Variants in COBL observed in about 807,000 individuals in gnomAD.
COBL encodes cordon-bleu WH2 repeat protein.
A neutral mutation model predicts 98.8 loss-of-function variants in COBL; 51 were observed. That is an observed-to-expected ratio of 0.52 (90% CI 0.41 to 0.65). The LOEUF (loss-of-function observed/expected upper bound fraction) is 0.65, where lower values mean the gene tolerates loss of function less well. COBL is among the 30% of genes least tolerant of loss of function. The pLI, the probability that COBL is intolerant of heterozygous loss-of-function variation, is 0.00. For missense variants in COBL, 1,617 were observed against 1,617.5 expected (o/e 1.00, Z 0.01); for synonymous variants, 634 against 651.7 (o/e 0.97, Z 0.41).
At chr7:51,117,826 A>G (rs531863081) in intron 6 of COBL, among the ~76,000 whole-genome samples, 2 of 152,224 alleles carry the variant, frequency 1.3e-5, no homozygotes, top group Non-Finnish European at 2.9e-5. Flanking sequence ...AGATTCCCTC[A>G]TATTCCTCAG....
intron 7 of COBL, among the ~76,000 whole-genome samples, chr7:51,053,812 G>A (rs867396355): frequency 6.6e-6 from 1 of 152,234 alleles, no homozygotes; most frequent in Admixed American, 6.5e-5. Flanking sequence ...AAAAGTGGAG[G>A]TTGGTGGTAA....
intron 7 of COBL, among the ~76,000 whole-genome samples, chr7:51,047,050 G>T (rs1789778561): frequency 6.6e-6 from 1 of 152,152 alleles, no homozygotes; most frequent in Non-Finnish European, 1.5e-5. Flanking sequence ...CATTGGCTTT[G>T]TCCTTTCTGC....
At chr7:51,181,450 G>A (rs371952911) in intron 5 of COBL, among the ~76,000 whole-genome samples, 2 of 152,136 alleles carry the variant, frequency 1.3e-5, no homozygotes, top group East Asian at 1.9e-4. Context: ...CTCATCTGCC[G>A]CAGTTCAGGA....
chr7:51,300,158 T>C (rs889937340), intron 1 of COBL, among the ~76,000 whole-genome samples: 7 of 147,460 alleles, frequency 4.7e-5, no homozygotes, highest in Non-Finnish European at 1.0e-4. Context: ...TTTTGTTTTG[T>C]TTTGTTTTGT....
intron 7 of COBL, among the ~76,000 whole-genome samples, chr7:51,068,909 A>T (rs576214137): frequency 6.6e-6 from 1 of 152,248 alleles, no homozygotes; most frequent in Non-Finnish European, 1.5e-5. Context: ...AACTTAAGTA[A>T]CTCACTCTTC....
intron 1 of COBL, among the ~76,000 whole-genome samples, chr7:51,303,964 T>C (rs1246272030): frequency 6.6e-6 from 1 of 152,188 alleles, no homozygotes; most frequent in Admixed American, 6.5e-5. Flanking sequence ...TATTTTTATA[T>C]TATTTTTAAT....
chr7:51,095,756 AG>A (rs1292473543), intron 6 of COBL, among the ~76,000 whole-genome samples: 1 of 152,182 alleles, frequency 6.6e-6, no homozygotes, highest in Admixed American at 6.5e-5. Flanking sequence ...ACATCAAATA[AG>A]ATAGACTTCA....
intron 7 of COBL, among the ~76,000 whole-genome samples, chr7:51,084,810 T>C (rs1253007488): frequency 6.6e-6 from 1 of 152,162 alleles, no homozygotes; most frequent in Non-Finnish European, 1.5e-5. Context: ...CAAATGTCCT[T>C]CAAAGCAGTT....
At chr7:51,158,345 G>A (rs1286439430) in intron 5 of COBL, among the ~76,000 whole-genome samples, 1 of 152,186 alleles carries the variant, frequency 6.6e-6, no homozygotes, top group Non-Finnish European at 1.5e-5. Context: ...GGAGAAGAAT[G>A]GACCCAAACC....
At chr7:51,307,476 A>G (rs1337168397) in intron 1 of COBL, among the ~76,000 whole-genome samples, 1 of 152,156 alleles carries the variant, frequency 6.6e-6, no homozygotes, top group African/African-American at 2.4e-5. Flanking sequence ...GCCATCTCCT[A>G]TCTCTGTCAG....
In COBL at chr7:51,028,466, C is replaced by T. The variant is rs1467565414; in HGVS notation, c.2630G>A (p.Gly877Glu). 1 of 1,614,148 alleles carries T rather than the reference C, an allele frequency of 6.2e-7. No homozygotes were observed. Among genetic ancestry groups the T allele is most frequent in the East Asian group, 2.2e-5 (1 of 44,896 alleles). The change falls in exon 10 of 13, where the codon GGA becomes GAA. Residue 877 changes from glycine (G) to glutamate (E), a missense_variant. Transcript: ENST00000265136. ...YVASAIAKRI[G>E]APKVHADVVR... ...CACATCAGCATGGACTTTTGGGGCT[C>T]CTATGCGCTTGGCAATGGCAGAGGC...
At chr7:51,205,237 A>C (rs1161508300) in intron 2 of COBL, among the ~76,000 whole-genome samples, 2 of 152,244 alleles carry the variant, frequency 1.3e-5, no homozygotes, top group African/African-American at 4.8e-5. Flanking sequence ...ACAAACCTGG[A>C]GGTATCAAAC....
At chr7:51,229,406 A>G (rs1794518528) in intron 1 of COBL, among the ~76,000 whole-genome samples, 1 of 152,190 alleles carries the variant, frequency 6.6e-6, no homozygotes. Flanking sequence ...AGACCGCGAG[A>G]GTTGTGAGGG....
At chr7:51,199,803 G>C (rs1240800766) in intron 2 of COBL, among the ~76,000 whole-genome samples, 1 of 150,972 alleles carries the variant, frequency 6.6e-6, no homozygotes, top group Non-Finnish European at 1.5e-5. Flanking sequence ...AAGAAAAAGT[G>C]AAGAAAGCCT....
chr7:51,120,454 ATAAT>A (rs930791232), intron 6 of COBL, among the ~76,000 whole-genome samples: 1 of 152,236 alleles, frequency 6.6e-6, no homozygotes, highest in African/African-American at 2.4e-5. Context: ...AAGTGGTTAA[ATAAT>A]TTTTTAAATT....
intron 1 of COBL, among the ~76,000 whole-genome samples, chr7:51,282,448 A>G (rs993741254): frequency 1.3e-5 from 2 of 152,138 alleles, no homozygotes; most frequent in South Asian, 4.1e-4. Context: ...TACAGACATC[A>G]GACAAATCAA....
intron 1 of COBL, among the ~76,000 whole-genome samples, chr7:51,305,655 T>C (rs1173546099): frequency 6.6e-6 from 1 of 152,232 alleles, no homozygotes; most frequent in Non-Finnish European, 1.5e-5. Flanking sequence ...TCTGCTTGCA[T>C]AGGCCCCAGG....
intron 1 of COBL, among the ~76,000 whole-genome samples, chr7:51,284,423 A>T (rs1172426480): frequency 6.6e-6 from 1 of 152,200 alleles, no homozygotes; most frequent in Non-Finnish European, 1.5e-5. Context: ...TTAAAGAAGA[A>T]AAATCACATG....
rs141694510 is a variant in COBL at position 51,088,948 on chromosome 7, T to C, written c.958-3644A>G. Among the ~76,000 whole-genome samples the C allele has an allele frequency of 6.6e-5, 10 of 152,294 alleles. No individual in the cohort carries two copies. The East Asian group carries it at 1.9e-3, about 29-fold the overall frequency. ...GGTGCAGACTTGGTTGTGCCTGATG[T>C]CCTGAAGTCAGAGCCTCTTAGTTCT... On this transcript the variant is annotated intron_variant, in intron 6 of 12. Transcript: ENST00000265136.
Sources: gnomAD v4.1 joint callset for allele counts (sites outside exome capture counted in the v4.1 genomes callset) on GRCh38, gnomAD v4.1.1 for gene constraint, MANE v1.5 for transcripts, NCBI Gene and HGNC (gene_info 2026-07-23, HGNC 2026-07-21) for gene names.